FXYD6: variants seen among roughly 807,000 people sequenced by gnomAD.
FXYD6 encodes FXYD domain-containing ion transport regulator 6.
A neutral mutation model predicts 16.7 loss-of-function variants in FXYD6; 7 were observed. The observed-to-expected ratio is 0.42, with a 90% CI of 0.24 to 0.79. The LOEUF (loss-of-function observed/expected upper bound fraction) is 0.79. Ranked by LOEUF, FXYD6 falls within the 30% of genes least tolerant of loss-of-function variation. FXYD6 has a pLI of 0.28. For synonymous variants in FXYD6, 49 were observed against 43.0 expected (o/e 1.14, Z -0.54); for missense variants, 111 against 116.2 (o/e 0.95, Z 0.21).
intron 1 of FXYD6, among the ~76,000 whole-genome samples, chr11:117,876,026 G>T (rs75433952): frequency 0.012 from 1,849 of 152,260 alleles, 17 homozygotes; most frequent in Middle Eastern, 0.024. Context: ...GGGAAAAAAT[G>T]ATGCACTCTC....
rs1053587280 is a variant in FXYD6, at chr11:117,838,261, G to A, written c.*38C>T. ...TTTGCATCCAAAGGTTCAAGCAGCC[G>A]CCTCAGGTTCCAGAGGCTGAGGAGG... is the stretch of plus-strand genomic sequence containing the variant. On this transcript the variant is annotated 3_prime_UTR_variant, in exon 8 of 8. Coordinates refer to ENST00000526014, the MANE Select transcript of FXYD6 (RefSeq NM_022003.4). 1.7e-5 allele frequency: 12 copies of A among 702,424 alleles called. No homozygotes were observed. The East Asian group carries it at 2.4e-4, about 14-fold the overall frequency. 43.5% of individuals were successfully genotyped at this position (702,424 alleles called of 1,614,324 possible).
chr11:117,839,616 C>T, intron 7 of FXYD6, 165 bp downstream of exon 7: 2 of 730,866 alleles, frequency 2.7e-6, no homozygotes, highest in Non-Finnish European at 4.5e-6. Flanking sequence ...CCTGGTCTCT[C>T]TCACAGCCCC....
rs60624638 is a variant in FXYD6, at chr11:117,849,536, C to CT, written c.-5-6756dup. ...AACATTATCAACTGTGTTTAAATTT[C>CT]TTTTTTTTTTTTTGACTGTTTATCC... is the stretch of plus-strand genomic sequence containing the variant. On this transcript the variant is annotated intron_variant, in intron 1 of 7. Coordinates refer to ENST00000526014, the MANE Select transcript of FXYD6 (RefSeq NM_022003.4). Among the ~76,000 whole-genome samples, 424 of 142,448 alleles carry CT rather than the reference C, an allele frequency of 3.0e-3. 1 individual carries two copies. Among genetic ancestry groups the CT allele is most frequent in the East Asian group, 4.2e-3 (21 of 4,946 alleles). The allele number at this position is 142,448 out of a possible 152,430, so 93.5% of individuals were successfully genotyped here.
intron 1 of FXYD6, among the ~76,000 whole-genome samples, chr11:117,844,680 G>C (rs530806754): frequency 3.3e-5 from 5 of 152,194 alleles, no homozygotes; most frequent in Admixed American, 6.5e-5. Flanking sequence ...ATTTTTAGTA[G>C]AGACAGGGTT....
intron 1 of FXYD6, among the ~76,000 whole-genome samples, chr11:117,873,494 G>A (rs768562527): frequency 2.0e-5 from 3 of 152,236 alleles, no homozygotes; most frequent in African/African-American, 4.8e-5. Context: ...TGCAATGAAC[G>A]CATTTGCCTT....
intron 1 of FXYD6, among the ~76,000 whole-genome samples, chr11:117,864,573 A>G (rs1006754749): frequency 6.6e-6 from 1 of 152,222 alleles, no homozygotes; most frequent in African/African-American, 2.4e-5. Flanking sequence ...GCAACAAAAG[A>G]AAAAAATAGA....
At chr11:117,859,987 G>C (rs2056868480) in intron 1 of FXYD6, among the ~76,000 whole-genome samples, 1 of 152,190 alleles carries the variant, frequency 6.6e-6, no homozygotes, top group South Asian at 2.1e-4. Flanking sequence ...CTGTGTGAGA[G>C]AGTGAGGAGT....
chr11:117,854,281 C>T (rs1250486098), intron 1 of FXYD6, among the ~76,000 whole-genome samples: 1 of 152,212 alleles, frequency 6.6e-6, no homozygotes, highest in Non-Finnish European at 1.5e-5. Flanking sequence ...CCCACAGTGG[C>T]CTCTTGACCA....
chr11:117,854,750 G>C (rs558249378), intron 1 of FXYD6, among the ~76,000 whole-genome samples: 2 of 152,338 alleles, frequency 1.3e-5, no homozygotes, highest in East Asian at 1.9e-4. Context: ...AACCTTAAGA[G>C]CAGGGTAGGA....
At chr11:117,839,888 C>T in intron 6 of FXYD6, 58 bp from the exon 7 acceptor site, 3 of 1,608,656 alleles carry the variant, frequency 1.9e-6, no homozygotes, top group Non-Finnish European at 2.6e-6. Context: ...CGTGGGCCAC[C>T]CCCAACAGCA....
intron 1 of FXYD6, among the ~76,000 whole-genome samples, chr11:117,858,660 T>TTTCC (rs2056804882): frequency 3.7e-5 from 3 of 80,540 alleles, no homozygotes. Flanking sequence ...TCTTTCTTTC[T>TTTCC]TTCTTTCTTT....
intron 1 of FXYD6, among the ~76,000 whole-genome samples, chr11:117,866,609 A>C (rs1591590721): frequency 6.6e-6 from 1 of 152,198 alleles, no homozygotes; most frequent in East Asian, 1.9e-4. Flanking sequence ...GTCAGATCCC[A>C]GCTGTTCCCA....
intron 7 of FXYD6, 142 bp downstream of exon 7, chr11:117,839,639 G>C: frequency 1.1e-6 from 1 of 952,138 alleles, no homozygotes; most frequent in Non-Finnish European, 1.6e-6. Flanking sequence ...TCAGACTCCT[G>C]AAGGCTCCTC....
rs760988872 is a variant in FXYD6 at position 117,841,169 on chromosome 11, C to T, written c.188G>A (p.Cys63Tyr). 1.9e-6 allele frequency: 3 copies of T among 1,614,084 alleles called. No individual in the cohort carries two copies. The Admixed American group carries it at 5.0e-5, about 27-fold the overall frequency. ...TTACCGGGGCTTCTGATTGAAACTG[C>T]ACTTGCACCTGCGACCTGAAAAGCA... ...ILLILSRRCK[C>Y]SFNQKPRAPG... Residue 63 changes from cysteine (C) to tyrosine (Y), a missense_variant, in exon 5 of 8, where the codon TGC becomes TAC. Transcript: ENST00000526014.
chr11:117,851,401 C>G (rs1235939671), intron 1 of FXYD6, among the ~76,000 whole-genome samples: 1 of 152,166 alleles, frequency 6.6e-6, no homozygotes, highest in African/African-American at 2.4e-5. Flanking sequence ...ACTCCAAAAG[C>G]CTGCTAAGAA....
In FXYD6 at chr11:117,842,017, C is replaced by G. The variant is rs140774309; in HGVS notation, c.70G>C (p.Glu24Gln). The G allele has an allele frequency of 2.0e-4, 330 of 1,614,202 alleles. 1 individual carries two copies. The highest frequency in any genetic ancestry group is 2.5e-4 in the Non-Finnish European group (294 of 1,180,038). ...PMVLASAAEK[E>Q]KEMDPFHYDY... is the part of the protein sequence containing the mutation. ...TAATGAAAAGGGTCCATTTCCTTCT[C>G]CTTTTCAGCTGCTGCAAAAACAAAC... Residue 24 changes from glutamate (E) to glutamine (Q), a missense_variant, in exon 3 of 8, where the codon GAG (glutamate) becomes CAG (glutamine). Physicochemically the swap from Glu to Gln is conservative, Grantham distance 29. Coordinates refer to ENST00000526014, the MANE Select transcript of FXYD6 (RefSeq NM_022003.4).
chr11:117,858,635 CTTT>C (rs2056797422), intron 1 of FXYD6, among the ~76,000 whole-genome samples: 1 of 17,130 alleles, frequency 5.8e-5, no homozygotes, highest in African/African-American at 2.4e-4. Flanking sequence ...TTTCTTTTTT[CTTT>C]CTTTCTTTCT....
intron 1 of FXYD6, among the ~76,000 whole-genome samples, chr11:117,858,751 TC>T (rs1382991121): frequency 5.3e-5 from 7 of 132,680 alleles, no homozygotes; most frequent in African/African-American, 1.2e-4. Context: ...CTTCCTTCCT[TC>T]CTTCCTTCCT....
chr11:117,867,719 T>G (rs2057040874), intron 1 of FXYD6, among the ~76,000 whole-genome samples: 1 of 152,212 alleles, frequency 6.6e-6, no homozygotes, highest in Admixed American at 6.5e-5. Flanking sequence ...TTCTGCCACA[T>G]GTGTCTCTAA....
Sources: gnomAD v4.1 joint callset for allele counts (sites outside exome capture counted in the v4.1 genomes callset) on GRCh38, gnomAD v4.1.1 for gene constraint, MANE v1.5 for transcripts, NCBI Gene and HGNC (gene_info 2026-07-23, HGNC 2026-07-21) for gene names.